CCSER1: variants seen among roughly 807,000 people sequenced by gnomAD.
CCSER1 encodes the protein serine-rich coiled-coil domain-containing protein 1.
A neutral mutation model predicts 82.0 loss-of-function variants in CCSER1; 41 were observed. That is an observed-to-expected ratio of 0.50 (90% CI 0.39 to 0.65). CCSER1 has a LOEUF of 0.65. Ranked by LOEUF, CCSER1 falls within the 30% of genes least tolerant of loss-of-function variation. CCSER1 has a pLI of 0.00. For synonymous variants in CCSER1, 414 were observed against 383.9 expected, an observed-to-expected ratio of 1.08 and a Z score of -0.92; for missense variants, 1,119 against 1,064.2, an observed-to-expected ratio of 1.05 and a Z score of -0.72.
chr4:91,463,519 C>T (rs1396824644), intron 10 of CCSER1, among the ~76,000 whole-genome samples: 3 of 152,168 alleles, frequency 2.0e-5, no homozygotes, highest in Non-Finnish European at 2.9e-5. Flanking sequence ...ATGACTTTGA[C>T]GAGTTGAGAG....
intron 9 of CCSER1, among the ~76,000 whole-genome samples, chr4:90,935,683 C>G (rs2150311903): frequency 6.6e-6 from 1 of 152,168 alleles, no homozygotes; most frequent in African/African-American, 2.4e-5. Context: ...ATGGCCAGGA[C>G]TAAATTGGGT....
At chr4:90,730,186 ACT>A (rs1292319890) in intron 7 of CCSER1, among the ~76,000 whole-genome samples, 2 of 152,270 alleles carry the variant, frequency 1.3e-5, no homozygotes, top group East Asian at 1.9e-4. Flanking sequence ...ACATTTGGAA[ACT>A]CTGAAAGACA....
At chr4:90,288,051 G>A (rs1730226781) in intron 1 of CCSER1, among the ~76,000 whole-genome samples, 1 of 151,776 alleles carries the variant, frequency 6.6e-6, no homozygotes, top group East Asian at 1.9e-4. Flanking sequence ...TTACCCACAA[G>A]ATTACCAAGT....
chr4:90,998,644 T>A (rs1242781865), intron 9 of CCSER1, among the ~76,000 whole-genome samples: 1 of 152,184 alleles, frequency 6.6e-6, no homozygotes, highest in Non-Finnish European at 1.5e-5. Context: ...ATAAGCAATG[T>A]GATTTGGGCA....
chr4:90,703,226 A>C (rs2149286735), intron 6 of CCSER1, among the ~76,000 whole-genome samples: 1 of 152,266 alleles, frequency 6.6e-6, no homozygotes, highest in African/African-American at 2.4e-5. Context: ...TCATTTCGTT[A>C]TGTACCCAGT....
chr4:90,393,930 A>G (rs1751585448), intron 3 of CCSER1, among the ~76,000 whole-genome samples: 1 of 149,994 alleles, frequency 6.7e-6, no homozygotes. Flanking sequence ...GGCATGCACC[A>G]CCATACTTGG....
At chr4:90,459,449 G>A (rs1318217876) in intron 4 of CCSER1, among the ~76,000 whole-genome samples, 1 of 152,038 alleles carries the variant, frequency 6.6e-6, no homozygotes, top group Non-Finnish European at 1.5e-5. Flanking sequence ...ATAACAAAAG[G>A]TATTATTGTC....
chr4:90,611,068 T>TTTTTTTTTTTTTTTTTTTTTTTTTTTTTG (rs1785430680), intron 5 of CCSER1, among the ~76,000 whole-genome samples: 1 of 134,902 alleles, frequency 7.4e-6, no homozygotes, highest in African/African-American at 3.0e-5. Flanking sequence ...TCTTTTTTTT[T>TTTTTTTTTTTTTTTTTTTTTTTTTTTTTG]TTTTTTTTTT....
intron 4 of CCSER1, among the ~76,000 whole-genome samples, chr4:90,401,055 T>C (rs866768427): frequency 1.3e-5 from 2 of 152,332 alleles, no homozygotes; most frequent in Middle Eastern, 3.4e-3. Flanking sequence ...ATTTATGTAG[T>C]ATATTTGGAT....
chr4:90,484,233 A>G (rs1195940243), intron 5 of CCSER1, among the ~76,000 whole-genome samples: 2 of 152,044 alleles, frequency 1.3e-5, no homozygotes, highest in Admixed American at 6.6e-5. Flanking sequence ...GAGGTCCTTT[A>G]AGGACTTCTC....
chr4:91,519,102 G>A (rs1203349757), intron 10 of CCSER1, among the ~76,000 whole-genome samples: 2 of 152,248 alleles, frequency 1.3e-5, no homozygotes, highest in Admixed American at 1.3e-4. Flanking sequence ...CACTTCTGAA[G>A]TATCCAGGTG....
intron 10 of CCSER1, among the ~76,000 whole-genome samples, chr4:91,321,206 G>A (rs1746171872): frequency 6.6e-6 from 1 of 152,026 alleles, no homozygotes; most frequent in East Asian, 1.9e-4. Flanking sequence ...GGCTCAAATA[G>A]GAATGCTATG....
At chr4:90,809,563 A>G (rs979955874) in intron 7 of CCSER1, among the ~76,000 whole-genome samples, 4 of 152,088 alleles carry the variant, frequency 2.6e-5, no homozygotes, top group Admixed American at 6.6e-5. Context: ...GAGGGGTGAA[A>G]AATTACCTAT....
chr4:90,475,875 C>T (rs909907088), intron 5 of CCSER1, among the ~76,000 whole-genome samples: 6 of 152,088 alleles, frequency 3.9e-5, no homozygotes, highest in African/African-American at 1.4e-4. Context: ...CTCCTCTGAC[C>T]GAGTACCACT....
intron 9 of CCSER1, among the ~76,000 whole-genome samples, chr4:91,033,031 A>G (rs898403916): frequency 6.6e-6 from 1 of 150,952 alleles, no homozygotes; most frequent in Non-Finnish European, 1.5e-5. Context: ...GTGAGAGACG[A>G]ACATAGGAGA....
intron 9 of CCSER1, among the ~76,000 whole-genome samples, chr4:90,981,647 T>G (rs1266158947): frequency 6.6e-6 from 1 of 151,846 alleles, no homozygotes; most frequent in Admixed American, 6.6e-5. Context: ...TTTCAAAGAA[T>G]ACTTAAACTA....
At chr4:90,688,496 CT>C (rs1735231052) in intron 6 of CCSER1, among the ~76,000 whole-genome samples, 1 of 152,018 alleles carries the variant, frequency 6.6e-6, no homozygotes, top group South Asian at 2.1e-4. Context: ...ATATTATATA[CT>C]TGTTACCATA....
At chr4:91,524,328 G>A (rs555644285) in intron 10 of CCSER1, among the ~76,000 whole-genome samples, 5 of 152,262 alleles carry the variant, frequency 3.3e-5, no homozygotes, top group Non-Finnish European at 7.4e-5. Context: ...TATGAATGCT[G>A]TAAGTTAGTC....
chr4:90,384,676 C>G (rs866102596), intron 3 of CCSER1, among the ~76,000 whole-genome samples: 2 of 152,108 alleles, frequency 1.3e-5, no homozygotes, highest in Non-Finnish European at 1.5e-5. Flanking sequence ...CCTCTCTGTT[C>G]CAGTCATCCA....
Sources: allele counts gnomAD v4.1 joint callset (sites outside exome capture counted in the v4.1 genomes callset), GRCh38; gene constraint gnomAD v4.1.1; transcripts MANE v1.5; gene names NCBI Gene and HGNC (gene_info 2026-07-23, HGNC 2026-07-21).